DAPK1: variants seen among roughly 807,000 people sequenced by gnomAD.
DAPK1 encodes death associated protein kinase 1, also known as death-associated protein kinase 1.
Under a neutral mutation model 144.9 loss-of-function variants are expected in DAPK1, and 56 were observed. The ratio of observed to expected loss-of-function variants is 0.39; its 90% CI spans 0.31 to 0.48. DAPK1 has a LOEUF of 0.48. Ranked by LOEUF, DAPK1 falls within the 20% of genes least tolerant of loss-of-function variation. The pLI is 0.95. For missense variants in DAPK1, 1,454 were observed against 1,875.4 expected, an observed-to-expected ratio of 0.78 and a Z score of 4.15; for synonymous variants, 690 against 749.0, an observed-to-expected ratio of 0.92 and a Z score of 1.29.
At chr9:87,500,818 G>T (rs1824362789) in intron 2 of DAPK1, among the ~76,000 whole-genome samples, 1 of 152,094 alleles carries the variant, frequency 6.6e-6, no homozygotes, top group South Asian at 2.1e-4. Flanking sequence ...CACTGTGCAA[G>T]GCAAATTGAC....
chr9:87,511,031 C>T (rs1470483401), intron 2 of DAPK1, among the ~76,000 whole-genome samples: 1 of 152,078 alleles, frequency 6.6e-6, no homozygotes. Context: ...AATCTGTGTT[C>T]CCGGGTCCTA....
chr9:87,694,586 C>G (rs546657696), intron 21 of DAPK1, among the ~76,000 whole-genome samples: 1 of 152,276 alleles, frequency 6.6e-6, no homozygotes, highest in South Asian at 2.1e-4. Context: ...TTTGCACATA[C>G]TTTAGACTCA....
chr9:87,648,618 G>A, intron 14 of DAPK1, 163 bp from the exon 15 acceptor site: 1 of 612,812 alleles, frequency 1.6e-6, no homozygotes, highest in Non-Finnish European at 2.9e-6. Flanking sequence ...CCCAACCTCA[G>A]GTCCCCATCC....
chr9:87,576,070 A>G (rs544295863), intron 2 of DAPK1, among the ~76,000 whole-genome samples: 1 of 152,368 alleles, frequency 6.6e-6, no homozygotes, highest in African/African-American at 2.4e-5. Flanking sequence ...CGGTAGTCAG[A>G]TGTCTCAGTG....
intron 2 of DAPK1, among the ~76,000 whole-genome samples, chr9:87,503,551 G>C (rs891882166): frequency 3.3e-5 from 5 of 152,138 alleles, no homozygotes; most frequent in African/African-American, 1.2e-4. Context: ...CCTTGGACTT[G>C]CTCCTCACTT....
intron 2 of DAPK1, among the ~76,000 whole-genome samples, chr9:87,595,364 A>G (rs973341829): frequency 6.6e-6 from 1 of 152,078 alleles, no homozygotes; most frequent in African/African-American, 2.4e-5. Flanking sequence ...ATCTCTTTAT[A>G]TGAGCTCCAG....
chr9:87,548,555 T>G (rs1227668670), intron 2 of DAPK1, among the ~76,000 whole-genome samples: 3 of 152,240 alleles, frequency 2.0e-5, no homozygotes, highest in African/African-American at 7.2e-5. Context: ...GAGCTAATGC[T>G]GAAACACTGG....
chr9:87,544,397 C>T (rs1052417970), intron 2 of DAPK1, among the ~76,000 whole-genome samples: 4 of 151,950 alleles, frequency 2.6e-5, no homozygotes, highest in South Asian at 2.1e-4. Context: ...TTAGATATTG[C>T]ATGGATGAAC....
At chr9:87,540,651 C>T (rs1261976400) in intron 2 of DAPK1, among the ~76,000 whole-genome samples, 1 of 152,104 alleles carries the variant, frequency 6.6e-6, no homozygotes, top group African/African-American at 2.4e-5. Context: ...AGGGGAACTA[C>T]GAGGTAACCT....
intron 3 of DAPK1, 39 bp from the exon 4 acceptor site, chr9:87,637,904 C>CA: frequency 6.2e-7 from 1 of 1,603,530 alleles, no homozygotes; most frequent in Non-Finnish European, 8.5e-7. Flanking sequence ...CAATATGAAA[C>CA]AGAGTTGTTA....
At chr9:87,536,428 A>T (rs547639652) in intron 2 of DAPK1, among the ~76,000 whole-genome samples, 1 of 152,292 alleles carries the variant, frequency 6.6e-6, no homozygotes, top group African/African-American at 2.4e-5. Flanking sequence ...GAAATACTTA[A>T]AGCTCTTATC....
At chr9:87,661,620 T>G (rs1403735402) in intron 18 of DAPK1, among the ~76,000 whole-genome samples, 1 of 152,216 alleles carries the variant, frequency 6.6e-6, no homozygotes, top group Admixed American at 6.5e-5. Flanking sequence ...TCTGTCTTCT[T>G]TTGAAAAATG....
At chr9:87,551,050 G>A (rs1826464236) in intron 2 of DAPK1, among the ~76,000 whole-genome samples, 2 of 152,212 alleles carry the variant, frequency 1.3e-5, no homozygotes, top group Admixed American at 1.3e-4. Flanking sequence ...CAGCCGGGAT[G>A]GCTCTTCCCC....
At chr9:87,511,670 G>T (rs933327376) in intron 2 of DAPK1, among the ~76,000 whole-genome samples, 3 of 124,344 alleles carry the variant, frequency 2.4e-5, no homozygotes, top group Non-Finnish European at 3.2e-5. Flanking sequence ...TTTTTCTTTT[G>T]TGTGTGTGTG....
chr9:87,673,115 T>C (rs1386129795), intron 19 of DAPK1, among the ~76,000 whole-genome samples: 1 of 152,146 alleles, frequency 6.6e-6, no homozygotes, highest in Admixed American at 6.5e-5. Context: ...ATGTTTCTTG[T>C]CCCTGGCCTC....
chr9:87,514,100 G>A (rs1034354363), intron 2 of DAPK1, among the ~76,000 whole-genome samples: 1 of 152,130 alleles, frequency 6.6e-6, no homozygotes, highest in African/African-American at 2.4e-5. Flanking sequence ...GAGAACCACA[G>A]GACTACAAGA....
At chr9:87,665,231 C>A (rs1000540501) in intron 18 of DAPK1, among the ~76,000 whole-genome samples, 3 of 151,838 alleles carry the variant, frequency 2.0e-5, no homozygotes, top group Admixed American at 1.3e-4. Context: ...ATTCTGGATC[C>A]CATGAAAATA....
At chr9:87,575,317 C>T (rs1050426502) in intron 2 of DAPK1, among the ~76,000 whole-genome samples, 27 of 152,200 alleles carry the variant, frequency 1.8e-4, no homozygotes, top group African/African-American at 5.1e-4. Context: ...TTATCTCGTG[C>T]TGGCCTCAGC....
chr9:87,625,507 T>G (rs1829461503), intron 3 of DAPK1, among the ~76,000 whole-genome samples: 1 of 152,224 alleles, frequency 6.6e-6, no homozygotes, highest in Non-Finnish European at 1.5e-5. Context: ...AGCCCCAGGT[T>G]CCACTGTGAT....
Sources: gnomAD v4.1 joint callset for allele counts (sites outside exome capture counted in the v4.1 genomes callset) on GRCh38, gnomAD v4.1.1 for gene constraint, MANE v1.5 for transcripts, NCBI Gene and HGNC (gene_info 2026-07-23, HGNC 2026-07-21) for gene names.